The following USP29 variants were observed in gnomAD, a reference collection of about 807,000 sequenced individuals.
The protein encoded by USP29 is ubiquitin carboxyl-terminal hydrolase 29.
For missense variants in USP29, 1,102 were observed against 1,069.0 expected, an observed-to-expected ratio of 1.03 and a Z score of -0.43; for synonymous variants, 386 against 387.4, an observed-to-expected ratio of 1.00 and a Z score of 0.04.
At chr19:57,124,569 C>T (rs1403878051) in intron 3 of USP29, among the ~76,000 whole-genome samples, 3 of 151,004 alleles carry the variant, frequency 2.0e-5, no homozygotes, top group African/African-American at 4.9e-5. Flanking sequence ...AGTGCAGTGG[C>T]GAGATCTCTG....
intron 3 of USP29, 136 bp downstream of exon 3, chr19:57,124,275 A>G (rs895530024): frequency 6.6e-6 from 1 of 151,774 alleles, no homozygotes; most frequent in Non-Finnish European, 1.5e-5. Context: ...GGGAGGGAGC[A>G]AATTCAGAGA....
At chr19:57,123,538 G>T (rs10414335) in intron 2 of USP29, among the ~76,000 whole-genome samples, 110,408 of 152,062 alleles carry the variant, frequency 0.73, 41,541 homozygotes, top group East Asian at 0.93. Context: ...CTTAGTGTTA[G>T]AAAAGCAGTA....
intron 3 of USP29, among the ~76,000 whole-genome samples, chr19:57,124,399 T>C (rs1325240458): frequency 6.6e-6 from 1 of 151,532 alleles, no homozygotes; most frequent in East Asian, 1.9e-4. Context: ...CCCACCTCGG[T>C]TTTGCTAATT....
intron 2 of USP29, among the ~76,000 whole-genome samples, chr19:57,123,187 C>A (rs1048413696): frequency 6.6e-6 from 1 of 152,124 alleles, no homozygotes; most frequent in Non-Finnish European, 1.5e-5. Context: ...CCTCAGTTTT[C>A]TTACTATGTT....
At chr19:57,127,965 C>T (rs189977258) in intron 3 of USP29, among the ~76,000 whole-genome samples, 135 of 152,296 alleles carry the variant, frequency 8.9e-4, no homozygotes, top group African/African-American at 3.0e-3. Context: ...GTGGGAAAAG[C>T]GTAGTAACCG....
At chr19:57,120,499 A>G (rs2086788876) in intron 1 of USP29, among the ~76,000 whole-genome samples, 1 of 150,176 alleles carries the variant, frequency 6.7e-6, no homozygotes, top group African/African-American at 2.5e-5. Context: ...TATATAAAAG[A>G]AAAAAGGGCT....
intron 3 of USP29, among the ~76,000 whole-genome samples, chr19:57,125,026 TG>T (rs2086816762): frequency 6.6e-6 from 1 of 152,222 alleles, no homozygotes; most frequent in Non-Finnish European, 1.5e-5. Context: ...AATTTTGAGC[TG>T]TTTTAGCCCA....
intron 2 of USP29, 91 bp downstream of exon 2, chr19:57,122,565 G>C (rs908250764): frequency 6.6e-6 from 1 of 151,722 alleles, no homozygotes; most frequent in East Asian, 1.9e-4. Context: ...GTATGTGTGT[G>C]TGAGTGTTGG....
intron 3 of USP29, among the ~76,000 whole-genome samples, chr19:57,125,356 C>T (rs2086818369): frequency 6.6e-6 from 1 of 152,070 alleles, no homozygotes; most frequent in Non-Finnish European, 1.5e-5. Context: ...CTAATATTAA[C>T]AGGGGGGTGT....
chr19:57,119,724 G>A (rs1237921707), upstream of USP29, among the ~76,000 whole-genome samples: 3 of 151,932 alleles, frequency 2.0e-5, no homozygotes, highest in Non-Finnish European at 4.4e-5. Context: ...CGCCCGGCCG[G>A]GATGACTGTT....
At chr19:57,123,880 T>C (rs1052280468) in intron 2 of USP29, among the ~76,000 whole-genome samples, 159 bp from the exon 3 acceptor site, 3 of 152,174 alleles carry the variant, frequency 2.0e-5, no homozygotes, top group African/African-American at 7.2e-5. Flanking sequence ...GGAGGTTTTC[T>C]CCCAGATTAA....
rs138587681 is a variant in USP29, at chr19:57,130,947, C to G, written c.2272C>G (p.Leu758Val). The change falls in exon 4 of 4, where the codon CTG (leucine) becomes GTG (valine). Residue 758 changes from leucine (L) to valine (V), a missense_variant. Coordinates refer to ENST00000254181, the MANE Select transcript of USP29 (RefSeq NM_020903.3). Reference protein sequence around the residue: ...QQAPPPGVRKLDAQEHTEETL... With the variant: ...QQAPPPGVRKVDAQEHTEETL... ...GGCACCACCTCCAGGTGTTAGGAAG[C>G]TGGATGCCCAGGAACATACAGAAGA... 934 of 1,614,196 alleles carry G rather than the reference C, an allele frequency of 5.8e-4. 2 individuals are homozygous for G. Among genetic ancestry groups the G allele is most frequent in the South Asian group, 2.8e-3 (251 of 91,080 alleles).
chr19:57,122,812 A>G (rs1271759847), intron 2 of USP29, among the ~76,000 whole-genome samples: 1 of 152,134 alleles, frequency 6.6e-6, no homozygotes, highest in African/African-American at 2.4e-5. Flanking sequence ...AACTCAGCTC[A>G]GGGAAAAGCT....
At position 57,124,111 on chromosome 19, in the gene USP29, A is replaced by C. The variant is rs987668213; in HGVS notation, c.-45A>C. 1 of 152,178 alleles carries C rather than the reference A, an allele frequency of 6.6e-6. No individual in the cohort carries two copies. The highest frequency in any genetic ancestry group is 2.4e-5 in the African/African-American group (1 of 41,444). The allele number at this position is 152,178 out of a possible 1,614,324, so 9.4% of individuals were successfully genotyped here. Reference sequence around the variant, plus strand: ...GCTCTCCAAAGCTTAAACTTCAGTAAATTGACTCAAGTTTCTTCGGAAAGA... The same window carrying C: ...GCTCTCCAAAGCTTAAACTTCAGTACATTGACTCAAGTTTCTTCGGAAAGA... On this transcript the variant is annotated 5_prime_UTR_variant, in exon 3 of 4. An upstream open reading frame in the 5' UTR loses its in-frame stop. Transcript: ENST00000254181.
Position 57,129,730 on chromosome 19 carries a change from G to C in USP29, c.1055G>C (p.Gly352Ala). ...CSTKIKRELL[G>A]NVKKVISAVA... The stretch of plus-strand genomic sequence containing the variant: ...ACAAAGATCAAGAGAGAATTACTTG[G>C]GAATGTTAAAAAAGTCATTTCAGCA... The change falls in exon 4 of 4, where the codon GGG becomes GCG. Residue 352 changes from glycine to alanine, a missense_variant. Coordinates refer to ENST00000254181, the MANE Select transcript of USP29 (RefSeq NM_020903.3). 1 of 1,613,634 alleles carries C rather than the reference G, an allele frequency of 6.2e-7. No homozygotes were observed.
At chr19:57,120,557 C>T (rs112446529) in intron 1 of USP29, among the ~76,000 whole-genome samples, 2 of 151,664 alleles carry the variant, frequency 1.3e-5, no homozygotes, top group Admixed American at 6.6e-5. Flanking sequence ...GAGGCCGAGG[C>T]GGGTAGATCA....
At chr19:57,121,250 GAT>G (rs1275323863) in intron 1 of USP29, among the ~76,000 whole-genome samples, 2 of 147,338 alleles carry the variant, frequency 1.4e-5, no homozygotes, top group African/African-American at 5.0e-5. Context: ...GAAAATGTAG[GAT>G]ATATATGTTA....
chr19:57,126,277 G>T (rs1218389062), intron 3 of USP29, among the ~76,000 whole-genome samples: 1 of 152,132 alleles, frequency 6.6e-6, no homozygotes, highest in Non-Finnish European at 1.5e-5. Flanking sequence ...GGTATTCTCT[G>T]CATTTCCTGA....
rs2086844282 is a variant in USP29 at position 57,129,659 on chromosome 19, T to C, written c.984T>C (p.Leu328=). 1.2e-6 allele frequency: 2 copies of C among 1,614,082 alleles called. No homozygotes were observed. The highest frequency in any genetic ancestry group is 1.3e-5 in the African/African-American group (1 of 74,926). Residue 328 remains leucine (L), a synonymous_variant, in exon 4 of 4, where the codon CTT becomes CTC. Coordinates refer to ENST00000254181, the MANE Select transcript of USP29 (RefSeq NM_020903.3). Reference sequence around the variant, plus strand: ...GGGAATATATTCCCTTTGAGGCTCTTATTATGACCTTGACCCAGCTGCTTG... The same window carrying C: ...GGGAATATATTCCCTTTGAGGCTCTCATTATGACCTTGACCCAGCTGCTTG... ...VPWEYIPFEA[L]IMTLTQLLAL...
Sources: allele counts gnomAD v4.1 joint callset (sites outside exome capture counted in the v4.1 genomes callset), GRCh38; gene constraint gnomAD v4.1.1; transcripts MANE v1.5; gene names NCBI Gene and HGNC (gene_info 2026-07-23, HGNC 2026-07-21).